The following FAM240B variants were observed in gnomAD, a reference collection of about 807,000 sequenced individuals.
The protein encoded by FAM240B is protein FAM240B.
chr9:38,712,241 AG>A (rs1385289614), intron 1 of FAM240B, among the ~76,000 whole-genome samples: 3 of 152,224 alleles, frequency 2.0e-5, no homozygotes, highest in East Asian at 3.8e-4. Context: ...AATTCACTGC[AG>A]TGACACCAAG....
At chr9:38,712,551 T>C (rs1821268225) in intron 1 of FAM240B, among the ~76,000 whole-genome samples, 1 of 152,160 alleles carries the variant, frequency 6.6e-6, no homozygotes, top group African/African-American at 2.4e-5. Flanking sequence ...AAAGTGAATC[T>C]GAGAGGTTGA....
intron 2 of FAM240B, among the ~76,000 whole-genome samples, chr9:38,702,204 T>C (rs1821136830): frequency 6.6e-6 from 1 of 152,158 alleles, no homozygotes. Context: ...GATTGGATGC[T>C]CTAACATGAG....
chr9:38,698,270 C>G (rs1176130617), intron 2 of FAM240B, among the ~76,000 whole-genome samples: 1 of 152,196 alleles, frequency 6.6e-6, no homozygotes. Flanking sequence ...AAACTATTAT[C>G]TTCAACGACA....
chr9:38,697,661 C>G (rs1325701489), intron 2 of FAM240B, among the ~76,000 whole-genome samples: 1 of 152,218 alleles, frequency 6.6e-6, no homozygotes, highest in Non-Finnish European at 1.5e-5. Context: ...AGGACACTGA[C>G]TATGCAAAAT....
At chr9:38,718,297 C>T (rs116776599) in intron 1 of FAM240B, among the ~76,000 whole-genome samples, 249 of 152,340 alleles carry the variant, frequency 1.6e-3, no homozygotes, top group African/African-American at 5.7e-3. Context: ...AGTATAATTG[C>T]AGGTCAAAGT....
intron 2 of FAM240B, among the ~76,000 whole-genome samples, chr9:38,703,396 T>C (rs574589779): frequency 5.5e-4 from 84 of 152,280 alleles, no homozygotes; most frequent in African/African-American, 1.9e-3. Flanking sequence ...CTGCACTTGA[T>C]TATCCTGGGG....
chr9:38,709,366 T>C (rs965508849), intron 1 of FAM240B, among the ~76,000 whole-genome samples: 6 of 152,210 alleles, frequency 3.9e-5, no homozygotes, highest in African/African-American at 4.8e-5. Flanking sequence ...TTGAACAGAA[T>C]TGATAGCAAT....
intron 1 of FAM240B, among the ~76,000 whole-genome samples, chr9:38,712,601 G>A (rs1587593880): frequency 6.6e-6 from 1 of 152,254 alleles, no homozygotes; most frequent in South Asian, 2.1e-4. Flanking sequence ...GGAGAGCCAG[G>A]AGTCCAGACC....
intron 1 of FAM240B, among the ~76,000 whole-genome samples, chr9:38,718,054 T>C (rs1245485689): frequency 6.6e-6 from 1 of 152,258 alleles, no homozygotes; most frequent in Non-Finnish European, 1.5e-5. Flanking sequence ...AGCAGGGCCA[T>C]ACAATAAACA....
At chr9:38,718,531 A>G (rs1424136497) in intron 1 of FAM240B, among the ~76,000 whole-genome samples, 2 of 152,210 alleles carry the variant, frequency 1.3e-5, no homozygotes, top group Non-Finnish European at 2.9e-5. Flanking sequence ...ACCTTAAGAC[A>G]GACCCTGGAA....
intron 1 of FAM240B, among the ~76,000 whole-genome samples, chr9:38,717,544 A>G (rs552310548): frequency 5.3e-5 from 8 of 152,270 alleles, no homozygotes; most frequent in South Asian, 4.1e-4. Context: ...GCAGTGGCGC[A>G]ATCTTGGCTT....
intron 2 of FAM240B, among the ~76,000 whole-genome samples, chr9:38,698,256 T>C (rs945424451): frequency 1.3e-5 from 2 of 152,272 alleles, no homozygotes; most frequent in Non-Finnish European, 2.9e-5. Flanking sequence ...CTTTCAGTAC[T>C]AGAAAACTAT....
chr9:38,706,551 C>T (rs1821192038), intron 1 of FAM240B, among the ~76,000 whole-genome samples: 1 of 152,142 alleles, frequency 6.6e-6, no homozygotes, highest in Admixed American at 6.5e-5. Context: ...AGTTAAATGA[C>T]CCCCTTCCAA....
At chr9:38,718,358 C>T (rs1821332404) in intron 1 of FAM240B, among the ~76,000 whole-genome samples, 1 of 152,208 alleles carries the variant, frequency 6.6e-6, no homozygotes, top group South Asian at 2.1e-4. Flanking sequence ...CTTCTGCTGT[C>T]ACGGAAGTGT....
chr9:38,713,303 C>A (rs1385405226), intron 1 of FAM240B, among the ~76,000 whole-genome samples: 2 of 151,760 alleles, frequency 1.3e-5, no homozygotes, highest in Non-Finnish European at 2.9e-5. Context: ...ACGGTGAAAC[C>A]CCATCTCTAC....
At chr9:38,711,794 T>TTA (rs1821258974) in intron 1 of FAM240B, among the ~76,000 whole-genome samples, 1 of 151,818 alleles carries the variant, frequency 6.6e-6, no homozygotes, top group Non-Finnish European at 1.5e-5. Context: ...GTAGCTGGGA[T>TTA]TATAGGCACG....
intron 1 of FAM240B, among the ~76,000 whole-genome samples, chr9:38,715,135 G>C (rs1015778707): frequency 1.3e-5 from 2 of 152,182 alleles, no homozygotes; most frequent in Non-Finnish European, 2.9e-5. Flanking sequence ...CAGGAATTAA[G>C]GAGCATTGTT....
intron 1 of FAM240B, among the ~76,000 whole-genome samples, chr9:38,709,886 C>T (rs1405794018): frequency 6.6e-6 from 1 of 152,204 alleles, no homozygotes; most frequent in Non-Finnish European, 1.5e-5. Context: ...CACGTGCCTT[C>T]TAAGTTTCCA....
chr9:38,707,459 AG>A (rs1821202842), intron 1 of FAM240B, among the ~76,000 whole-genome samples: 1 of 152,066 alleles, frequency 6.6e-6, no homozygotes. Flanking sequence ...TACACACCCA[AG>A]GAGTAAATTA....
Sources: gnomAD v4.1 joint callset for allele counts (sites outside exome capture counted in the v4.1 genomes callset) on GRCh38, gnomAD v4.1.1 for gene constraint, MANE v1.5 for transcripts, NCBI Gene and HGNC (gene_info 2026-07-23, HGNC 2026-07-21) for gene names.